The following SGCZ variants were observed in gnomAD, a reference collection of about 807,000 sequenced individuals.
SGCZ encodes the protein sarcoglycan zeta.
Under a neutral mutation model 41.3 loss-of-function variants are expected in SGCZ, and 40 were observed. The observed-to-expected ratio is 0.97, with a 90% CI of 0.75 to 1.26. SGCZ has a LOEUF of 1.26. SGCZ is among the 50% of genes most tolerant of loss of function. The pLI is 0.00. For missense variants in SGCZ, 552 were observed against 369.8 expected (o/e 1.49, Z -4.04); for synonymous variants, 206 against 137.5 (o/e 1.50, Z -3.49).
At chr8:15,130,273 C>T (rs1244714098) in intron 1 of SGCZ, among the ~76,000 whole-genome samples, 3 of 152,094 alleles carry the variant, frequency 2.0e-5, no homozygotes, top group Non-Finnish European at 4.4e-5. Flanking sequence ...GTTTCATTAC[C>T]ATAAGGATGC....
At chr8:14,452,100 T>G (rs367977614) in intron 2 of SGCZ, among the ~76,000 whole-genome samples, 1 of 152,064 alleles carries the variant, frequency 6.6e-6, no homozygotes, top group Non-Finnish European at 1.5e-5. Context: ...AGTAGATGAG[T>G]GGATACACAG....
intron 2 of SGCZ, among the ~76,000 whole-genome samples, chr8:14,535,775 A>C (rs1021325293): frequency 6.6e-6 from 1 of 151,864 alleles, no homozygotes; most frequent in African/African-American, 2.4e-5. Flanking sequence ...ATTTTGGAGA[A>C]TGGATTAGGG....
intron 1 of SGCZ, among the ~76,000 whole-genome samples, chr8:14,816,725 T>C (rs572767644): frequency 3.9e-4 from 59 of 152,320 alleles, no homozygotes; most frequent in African/African-American, 1.3e-3. Flanking sequence ...AGTATACTGA[T>C]AAAAGAATTG....
chr8:14,167,721 C>A (rs1009509113), intron 4 of SGCZ, among the ~76,000 whole-genome samples: 1 of 152,168 alleles, frequency 6.6e-6, no homozygotes, highest in Non-Finnish European at 1.5e-5. Flanking sequence ...CAAACCACCA[C>A]CATCACCAAG....
intron 3 of SGCZ, 34 bp downstream of exon 3, chr8:14,324,069 T>G: frequency 6.9e-7 from 1 of 1,441,952 alleles, no homozygotes; most frequent in East Asian, 2.3e-5. Context: ...CTCTAAATTA[T>G]CTTTTAGAGT....
At chr8:14,854,020 A>ATT (rs1175390129) in intron 1 of SGCZ, among the ~76,000 whole-genome samples, 10 of 43,046 alleles carry the variant, frequency 2.3e-4, no homozygotes, top group South Asian at 2.1e-3. Context: ...ATGTGATTAT[A>ATT]TTATATATAT....
chr8:14,689,297 C>G (rs1381686745), intron 1 of SGCZ, among the ~76,000 whole-genome samples: 2 of 152,058 alleles, frequency 1.3e-5, no homozygotes, highest in East Asian at 3.9e-4. Flanking sequence ...ATGGTAAAAT[C>G]ACAGGCATTT....
At chr8:14,507,789 G>C (rs866871385) in intron 2 of SGCZ, among the ~76,000 whole-genome samples, 1 of 108,610 alleles carries the variant, frequency 9.2e-6, no homozygotes, top group Non-Finnish European at 1.9e-5. Context: ...TTTTTTTTTC[G>C]AGATGGAGTT....
chr8:15,080,187 T>C (rs1030558492), intron 1 of SGCZ, among the ~76,000 whole-genome samples: 1 of 152,122 alleles, frequency 6.6e-6, no homozygotes, highest in Admixed American at 6.5e-5. Flanking sequence ...CAGGCAGATA[T>C]TCAGTGAAAT....
chr8:14,726,311 C>CAT (rs1202306930), intron 1 of SGCZ, among the ~76,000 whole-genome samples: 2,691 of 107,590 alleles, frequency 0.025, 81 homozygotes, highest in African/African-American at 0.057. Context: ...TGTGTAAATA[C>CAT]ATATATATAT....
chr8:15,237,790 G>T lies in SGCZ; in HGVS notation c.-167C>A. ...CCGCCTCCACCGGGTTAAAAATAAG[G>T]AAAATAAATAAATAATAATGATAAT... On this transcript the variant is annotated 5_prime_UTR_variant, in exon 1 of 8. Transcript: ENST00000382080. The T allele has an allele frequency of 1.7e-6, 1 of 583,188 alleles. No individual in the cohort carries two copies. Among genetic ancestry groups the T allele is most frequent in the Non-Finnish European group, 3.1e-6 (1 of 325,966 alleles). 36.1% of individuals were successfully genotyped at this position (583,188 alleles called of 1,614,324 possible).
intron 5 of SGCZ, chr8:14,162,642 A>T (rs946005565): frequency 2.6e-5 from 4 of 152,232 alleles, no homozygotes; most frequent in African/African-American, 9.7e-5. Flanking sequence ...CTTCCCAAGA[A>T]GTCTTAAGAA....
chr8:14,592,033 A>C (rs758209235), intron 1 of SGCZ, among the ~76,000 whole-genome samples: 4 of 152,180 alleles, frequency 2.6e-5, no homozygotes, highest in Non-Finnish European at 5.9e-5. Context: ...GCTGCATTAA[A>C]TATTGTTGTG....
intron 1 of SGCZ, among the ~76,000 whole-genome samples, chr8:15,071,305 G>A (rs572759615): frequency 6.6e-6 from 1 of 152,204 alleles, no homozygotes; most frequent in African/African-American, 2.4e-5. Context: ...TGAACAATTA[G>A]CATATATTTC....
intron 3 of SGCZ, among the ~76,000 whole-genome samples, chr8:14,282,916 C>G (rs1052930994): frequency 7.6e-6 from 1 of 131,124 alleles, no homozygotes; most frequent in Non-Finnish European, 1.5e-5. Flanking sequence ...GTGGCGCGAT[C>G]TCAGCTCACT....
chr8:14,719,539 T>C (rs905859091), intron 1 of SGCZ, among the ~76,000 whole-genome samples: 78 of 151,940 alleles, frequency 5.1e-4, no homozygotes, highest in African/African-American at 1.7e-3. Context: ...TTTTAATGAT[T>C]GTCATTCTAA....
intron 1 of SGCZ, among the ~76,000 whole-genome samples, chr8:14,876,553 C>T (rs962851127): frequency 2.6e-5 from 4 of 152,022 alleles, no homozygotes; most frequent in African/African-American, 9.7e-5. Flanking sequence ...ACAACTGAAC[C>T]GTACACTTTA....
At chr8:14,967,031 C>G (rs1801146621) in intron 1 of SGCZ, among the ~76,000 whole-genome samples, 1 of 152,100 alleles carries the variant, frequency 6.6e-6, no homozygotes, top group South Asian at 2.1e-4. Context: ...ATGCCAGGCA[C>G]TGTGTTAAGC....
chr8:14,546,535 G>A (rs904095861), intron 2 of SGCZ, among the ~76,000 whole-genome samples: 4 of 152,052 alleles, frequency 2.6e-5, no homozygotes, highest in African/African-American at 4.8e-5. Context: ...ACCTATGCCC[G>A]CTCTGCTAAA....
Sources: gnomAD v4.1 joint callset for allele counts (sites outside exome capture counted in the v4.1 genomes callset) on GRCh38, gnomAD v4.1.1 for gene constraint, MANE v1.5 for transcripts, NCBI Gene and HGNC (gene_info 2026-07-23, HGNC 2026-07-21) for gene names.